GMPR: variants seen among roughly 807,000 people sequenced by gnomAD.
GMPR encodes the protein guanosine monophosphate reductase, also known as GMP reductase 1.
In GMPR, 31 loss-of-function variants were observed where a neutral mutation model predicts 38.4. The ratio of observed to expected loss-of-function variants is 0.81; its 90% CI spans 0.61 to 1.09. The LOEUF is 1.09. GMPR is among the 50% of genes least tolerant of loss of function. The pLI, the probability that GMPR is intolerant of heterozygous loss-of-function variation, is 0.00. For missense variants in GMPR, 468 were observed against 453.7 expected, an observed-to-expected ratio of 1.03 and a Z score of -0.29; for synonymous variants, 162 against 173.3, an observed-to-expected ratio of 0.93 and a Z score of 0.51.
At chr6:16,284,158 CTG>C (rs577009073) in intron 6 of GMPR, among the ~76,000 whole-genome samples, 76 of 152,338 alleles carry the variant, frequency 5.0e-4, no homozygotes, top group African/African-American at 1.8e-3. Context: ...GAGGAAATAA[CTG>C]TGGTCAGTAA....
chr6:16,265,788 C>T (rs1759187771), intron 4 of GMPR, among the ~76,000 whole-genome samples: 1 of 152,228 alleles, frequency 6.6e-6, no homozygotes, highest in Non-Finnish European at 1.5e-5. Context: ...CTGCTGGAGC[C>T]AGCCCGGATA....
chr6:16,266,999 T>A (rs958456017), intron 4 of GMPR, among the ~76,000 whole-genome samples: 3 of 151,014 alleles, frequency 2.0e-5, no homozygotes, highest in Non-Finnish European at 4.4e-5. Context: ...CGAACAACTC[T>A]GGGTGCGCCA....
intron 4 of GMPR, among the ~76,000 whole-genome samples, chr6:16,267,228 C>T (rs13194968): frequency 0.054 from 8,272 of 152,092 alleles, 284 homozygotes; most frequent in Middle Eastern, 0.12. Flanking sequence ...AAAAATTAGT[C>T]GGGTGCAGTG....
At position 16,266,276 on chromosome 6, in the gene GMPR, G is replaced by A. The variant is rs375707921; in HGVS notation, c.466-8139G>A. On this transcript the variant is annotated intron_variant, in intron 4 of 8. Transcript: ENST00000259727. ...GTAACACTCACTGCGAAGGTCTGAG[G>A]CTTCATTCCTGAAGTCAGTGTAGAC... 7.3e-5 allele frequency among the ~76,000 whole-genome samples: 11 copies of A among 151,584 alleles called. No homozygotes were observed. In the South Asian group the frequency reaches 1.9e-3, roughly 26 times the overall value.
intron 4 of GMPR, among the ~76,000 whole-genome samples, chr6:16,267,297 G>A (rs1012561283): frequency 2.6e-5 from 4 of 152,088 alleles, no homozygotes; most frequent in Non-Finnish European, 2.9e-5. Flanking sequence ...GCATGAACCT[G>A]GGAGGTGGAG....
chr6:16,285,733 G>A (rs1759666685), intron 6 of GMPR, 60 bp from the exon 7 acceptor site: 1 of 1,422,862 alleles, frequency 7.0e-7, no homozygotes, highest in Non-Finnish European at 9.9e-7. Flanking sequence ...CTGGGGGGAG[G>A]GGACAGCCTG....
At chr6:16,247,497 C>A (rs1232623522) in intron 2 of GMPR, among the ~76,000 whole-genome samples, 2 of 152,076 alleles carry the variant, frequency 1.3e-5, no homozygotes, top group Non-Finnish European at 2.9e-5. Flanking sequence ...GCCTCAGCCT[C>A]CCAAGTAGCT....
At chr6:16,265,103 G>C (rs986392691) in intron 4 of GMPR, among the ~76,000 whole-genome samples, 1 of 152,168 alleles carries the variant, frequency 6.6e-6, no homozygotes, top group Non-Finnish European at 1.5e-5. Flanking sequence ...CACTAGCACA[G>C]ACTAGGCACT....
chr6:16,292,126 A>C (rs960703927), intron 8 of GMPR, among the ~76,000 whole-genome samples: 9 of 152,062 alleles, frequency 5.9e-5, no homozygotes, highest in Non-Finnish European at 1.2e-4. Context: ...TTCAGACTCT[A>C]TCCGGTGCTG....
At chr6:16,278,751 A>G (rs1453282334) in intron 5 of GMPR, 33 bp from the exon 6 acceptor site, 8 of 1,412,950 alleles carry the variant, frequency 5.7e-6, no homozygotes, top group South Asian at 1.1e-5. Context: ...ATGTATAACC[A>G]TCTATTTGGG....
intron 8 of GMPR, among the ~76,000 whole-genome samples, chr6:16,293,223 G>A (rs899685358): frequency 6.6e-6 from 1 of 152,186 alleles, no homozygotes; most frequent in Non-Finnish European, 1.5e-5. Flanking sequence ...CAGCAAAAAA[G>A]GAATTTGTAA....
At chr6:16,250,418 A>G (rs1265333446) in intron 3 of GMPR, 51 bp downstream of exon 3, 1 of 1,003,814 alleles carries the variant, frequency 1.0e-6, no homozygotes, top group Non-Finnish European at 1.6e-6. Context: ...GGGGAACAAA[A>G]TCTTCAGAGC....
At chr6:16,293,954 C>T (rs1004395235) in intron 8 of GMPR, among the ~76,000 whole-genome samples, 3 of 152,180 alleles carry the variant, frequency 2.0e-5, no homozygotes, top group Non-Finnish European at 2.9e-5. Flanking sequence ...GTAATATACA[C>T]ATGTGTAATA....
In GMPR at chr6:16,290,628, A is replaced by G. The variant is rs1384290977; in HGVS notation, c.857+7A>G. Reference sequence around the variant, plus strand: ...GAGGAGTTGCTGAGTACAGGTGAGGAGGTGACCCCGGGGCGCACCCTCGAG... The same window carrying G: ...GAGGAGTTGCTGAGTACAGGTGAGGGGGTGACCCCGGGGCGCACCCTCGAG... On this transcript the variant is annotated splice_region_variant and intron_variant, in intron 8 of 8. Transcript: ENST00000259727. 1.9e-6 allele frequency: 3 copies of G among 1,612,350 alleles called. No homozygotes were observed. The highest frequency in any genetic ancestry group is 2.5e-6 in the Non-Finnish European group (3 of 1,178,676).
intron 4 of GMPR, among the ~76,000 whole-genome samples, chr6:16,265,917 C>T (rs1426260692): frequency 3.3e-5 from 5 of 152,202 alleles, no homozygotes; most frequent in African/African-American, 1.2e-4. Flanking sequence ...TGTGCAGTTT[C>T]ACTCCTGAAG....
chr6:16,250,624 C>G (rs551606338), intron 3 of GMPR, among the ~76,000 whole-genome samples: 1 of 151,104 alleles, frequency 6.6e-6, no homozygotes, highest in East Asian at 1.9e-4. Flanking sequence ...TGGGGAAGAC[C>G]TGTGTTTCCT....
chr6:16,247,035 T>C, intron 2 of GMPR, 74 bp downstream of exon 2: 1 of 1,407,166 alleles, frequency 7.1e-7, no homozygotes, highest in Non-Finnish European at 9.8e-7. Context: ...CGACCCTGGC[T>C]TTATTCAGAC....
At chr6:16,250,142 C>CT in intron 2 of GMPR, 142 bp from the exon 3 acceptor site, 2 of 665,776 alleles carry the variant, frequency 3.0e-6, no homozygotes, top group East Asian at 5.4e-5. Flanking sequence ...GTTTTGGCTG[C>CT]TAGGAGCACA....
chr6:16,289,220 T>A (rs1759771762), intron 7 of GMPR, among the ~76,000 whole-genome samples: 1 of 152,188 alleles, frequency 6.6e-6, no homozygotes, highest in South Asian at 2.1e-4. Flanking sequence ...GGAAAAAGCC[T>A]CAGCCGCGCC....
Sources: gnomAD v4.1 joint callset for allele counts (sites outside exome capture counted in the v4.1 genomes callset) on GRCh38, gnomAD v4.1.1 for gene constraint, MANE v1.5 for transcripts, NCBI Gene and HGNC (gene_info 2026-07-23, HGNC 2026-07-21) for gene names.